The following TRAF2 variants were observed in gnomAD, a reference collection of about 807,000 sequenced individuals.
TRAF2 encodes the protein TNF receptor-associated factor 2.
TRAF2 carries 6 observed loss-of-function variants against 55.6 expected under a neutral mutation model. The observed-to-expected ratio is 0.11, with a 90% CI of 0.06 to 0.21. The LOEUF (loss-of-function observed/expected upper bound fraction) is 0.21. Among genes scored for constraint, TRAF2 ranks in the 10% least tolerant of loss-of-function variants. The pLI is 1.00. For missense variants in TRAF2, 561 were observed against 684.5 expected (o/e 0.82, Z 2.01); for synonymous variants, 329 against 276.3 (o/e 1.19, Z -1.89).
At chr9:136,886,982 G>C (rs1276263936) in intron 1 of TRAF2, among the ~76,000 whole-genome samples, 2 of 152,222 alleles carry the variant, frequency 1.3e-5, no homozygotes, top group Non-Finnish European at 2.9e-5. Flanking sequence ...CCGGCTGCGT[G>C]CTCGGGAGGG....
At chr9:136,921,777 G>T (rs932166827) in intron 9 of TRAF2, among the ~76,000 whole-genome samples, 2 of 152,110 alleles carry the variant, frequency 1.3e-5, no homozygotes, top group African/African-American at 4.8e-5. Context: ...TGCTGGAGAG[G>T]GGGTGGGGTG....
chr9:136,923,439 C>T (rs17250624), intron 9 of TRAF2, among the ~76,000 whole-genome samples: 2,129 of 152,062 alleles, frequency 0.014, 52 homozygotes, highest in African/African-American at 0.049. Context: ...GGTAAAACCC[C>T]ATCTCTACTA....
intron 9 of TRAF2, among the ~76,000 whole-genome samples, chr9:136,922,983 A>AGG (rs1850432188): frequency 6.6e-6 from 1 of 151,784 alleles, no homozygotes; most frequent in Non-Finnish European, 1.5e-5. Context: ...CGAGGACGGA[A>AGG]GGGTGGTCCT....
Position 136,909,925 on chromosome 9 carries a change from C to T in TRAF2, c.534C>T (p.His178=). Residue 178 remains histidine (H), a synonymous_variant, in exon 6 of 11, where the codon CAC becomes CAT. Coordinates refer to ENST00000247668, the MANE Select transcript of TRAF2 (RefSeq NM_021138.4). ...CCTGATCCCTTCTTTTGAAGGCGCA[C>T]CACGAGGTCTGCCCCAAGTTCCCCT... ...APCCGADVKA[H]HEVCPKFPLT... is the part of the protein sequence containing the mutation. 8 of 1,614,198 alleles carry T rather than the reference C, an allele frequency of 5.0e-6. No homozygotes were observed. Among genetic ancestry groups the T allele is most frequent in the Non-Finnish European group, 6.8e-6 (8 of 1,180,022 alleles).
chr9:136,904,953 T>C (rs1245842579), intron 4 of TRAF2, among the ~76,000 whole-genome samples: 10 of 152,234 alleles, frequency 6.6e-5, no homozygotes, highest in African/African-American at 2.4e-4. Context: ...CTGGAGGTCT[T>C]GGAGGGCTGG....
At position 136,899,649 on chromosome 9, in the gene TRAF2, A is replaced by C. The variant is rs763472025; in HGVS notation, c.244A>C (p.Ile82Leu). 17 of 1,612,988 alleles carry C rather than the reference A, an allele frequency of 1.1e-5. No homozygotes were observed. In the East Asian group the frequency reaches 3.8e-4, roughly 36 times the overall value. ...CVHEGIYEEGISILESSSAFP... is the reference protein window; with the variant it reads ...CVHEGIYEEGLSILESSSAFP... ...TCACGAGGGCATATATGAAGAAGGC[A>C]TTTCTATTTTAGAAAGCAGTTCGGT... is the stretch of plus-strand genomic sequence containing the variant. The change falls in exon 3 of 11, where the codon ATT becomes CTT. Residue 82 changes from isoleucine (I) to leucine (L), a missense_variant. Transcript: ENST00000247668.
chr9:136,889,340 A>G (rs1588415942), intron 1 of TRAF2, among the ~76,000 whole-genome samples: 1 of 146,692 alleles, frequency 6.8e-6, no homozygotes, highest in Admixed American at 6.8e-5. Flanking sequence ...CTGGAGTGCA[A>G]TGGTGCGATC....
chr9:136,895,024 T>C (rs1309311174), intron 1 of TRAF2, among the ~76,000 whole-genome samples: 1 of 152,024 alleles, frequency 6.6e-6, no homozygotes, highest in Non-Finnish European at 1.5e-5. Flanking sequence ...TTTGGCTGAG[T>C]CCCTGGTGAA....
intron 6 of TRAF2, among the ~76,000 whole-genome samples, chr9:136,914,846 A>G (rs558568595): frequency 4.6e-5 from 7 of 151,604 alleles, no homozygotes; most frequent in Admixed American, 1.3e-4. Flanking sequence ...ACGGAGGCCC[A>G]TTTGTTTCAT....
chr9:136,904,618 A>C (rs747880363), intron 4 of TRAF2, among the ~76,000 whole-genome samples: 3 of 151,974 alleles, frequency 2.0e-5, no homozygotes, highest in Non-Finnish European at 4.4e-5. Flanking sequence ...TGTGTTAGCC[A>C]GGATGGTCTC....
chr9:136,893,729 G>T (rs1476128084), intron 1 of TRAF2, among the ~76,000 whole-genome samples: 1 of 152,156 alleles, frequency 6.6e-6, no homozygotes, highest in East Asian at 1.9e-4. Flanking sequence ...TTTGGGGTCT[G>T]TGTGGTAGTG....
At chr9:136,917,624 C>T (rs993480162) in intron 7 of TRAF2, among the ~76,000 whole-genome samples, 5 of 152,228 alleles carry the variant, frequency 3.3e-5, no homozygotes, top group African/African-American at 1.2e-4. Context: ...TGGGCGGGCA[C>T]CTTCCTTGCT....
chr9:136,903,095 G>A (rs1277904105), intron 4 of TRAF2, among the ~76,000 whole-genome samples: 1 of 151,962 alleles, frequency 6.6e-6, no homozygotes, highest in Non-Finnish European at 1.5e-5. Context: ...GCCTACAGGC[G>A]CCTGCCACCA....
intron 4 of TRAF2, among the ~76,000 whole-genome samples, chr9:136,905,299 C>G (rs1001322108): frequency 2.0e-5 from 3 of 152,240 alleles, no homozygotes; most frequent in African/African-American, 7.2e-5. Flanking sequence ...AGAATATGCT[C>G]TAGTCTCTCC....
chr9:136,918,513 C>T (rs1482194575), intron 7 of TRAF2, among the ~76,000 whole-genome samples: 1 of 151,960 alleles, frequency 6.6e-6, no homozygotes. Flanking sequence ...TGGTCTCGAA[C>T]TTCTGACCTC....
Position 136,926,087 on chromosome 9 carries a change from T to G in TRAF2, c.*186T>G, listed in dbSNP as rs755109372. Reference sequence around the variant, plus strand: ...AAGGAGCCACCAGCCAGTCCTCAGATTTCAGAGACTGCGGAGGGGCTTGGC... The same window carrying G: ...AAGGAGCCACCAGCCAGTCCTCAGAGTTCAGAGACTGCGGAGGGGCTTGGC... On this transcript the variant is annotated 3_prime_UTR_variant, in exon 11 of 11. Coordinates refer to ENST00000247668, the MANE Select transcript of TRAF2 (RefSeq NM_021138.4). The G allele has an allele frequency of 6.2e-6, 5 of 803,330 alleles. No individual in the cohort carries two copies. The Admixed American group carries it at 7.0e-5, about 11-fold the overall frequency. 49.8% of individuals were successfully genotyped at this position (803,330 alleles called of 1,614,324 possible).
intron 10 of TRAF2, among the ~76,000 whole-genome samples, chr9:136,925,397 T>C (rs973713024): frequency 1.2e-4 from 18 of 152,244 alleles, no homozygotes; most frequent in African/African-American, 3.6e-4. Context: ...AGTTCAGGAG[T>C]GGTAAGCTTT....
Position 136,909,944 on chromosome 9 carries a change from T to C in TRAF2, c.553T>C (p.Phe185Leu). ...VKAHHEVCPK[F>L]PLTCDGCGKK... Reference sequence around the variant, plus strand: ...GGCGCACCACGAGGTCTGCCCCAAGTTCCCCTTAACTTGTGACGGCTGCGG... The same window carrying C: ...GGCGCACCACGAGGTCTGCCCCAAGCTCCCCTTAACTTGTGACGGCTGCGG... The change falls in exon 6 of 11, where the codon TTC becomes CTC. Residue 185 changes from phenylalanine to leucine, a missense_variant. Coordinates refer to ENST00000247668, the MANE Select transcript of TRAF2 (RefSeq NM_021138.4). The C allele has an allele frequency of 6.2e-7, 1 of 1,614,152 alleles. No homozygotes were observed. Among genetic ancestry groups the C allele is most frequent in the East Asian group, 2.2e-5 (1 of 44,888 alleles).
chr9:136,908,877 A>G (rs1850025621), intron 5 of TRAF2, among the ~76,000 whole-genome samples: 1 of 148,260 alleles, frequency 6.7e-6, no homozygotes, highest in African/African-American at 2.5e-5. Flanking sequence ...CTCGGAAAAA[A>G]AAAAAAAAAA....
Sources: gnomAD v4.1 joint callset for allele counts (sites outside exome capture counted in the v4.1 genomes callset) on GRCh38, gnomAD v4.1.1 for gene constraint, MANE v1.5 for transcripts, NCBI Gene and HGNC (gene_info 2026-07-23, HGNC 2026-07-21) for gene names.